The following EGFLAM variants were observed in gnomAD, a reference collection of about 807,000 sequenced individuals.
EGFLAM encodes EGF like, fibronectin type III and laminin G domains, also known as pikachurin.
In EGFLAM, 79 loss-of-function variants were observed where a neutral mutation model predicts 113.1. The observed-to-expected ratio is 0.70, with a 90% CI of 0.58 to 0.84. The LOEUF (loss-of-function observed/expected upper bound fraction) is 0.84. Ranked by LOEUF, EGFLAM falls within the 40% of genes least tolerant of loss-of-function variation. The probability of loss-of-function intolerance (pLI) is 0.00; values close to 1 mark genes in which losing one functional copy is unlikely to be tolerated. For synonymous variants in EGFLAM, 504 were observed against 487.6 expected, an observed-to-expected ratio of 1.03 and a Z score of -0.44; for missense variants, 1,265 against 1,291.6, an observed-to-expected ratio of 0.98 and a Z score of 0.32.
At chr5:38,341,914 G>GT (rs11296362) in intron 3 of EGFLAM, among the ~76,000 whole-genome samples, 331 of 142,534 alleles carry the variant, frequency 2.3e-3, no homozygotes, top group Admixed American at 3.0e-3. Flanking sequence ...ACTCATGCAA[G>GT]TTTTTTTTTT....
At chr5:38,442,321 A>G (rs911128028) in intron 17 of EGFLAM, among the ~76,000 whole-genome samples, 1 of 148,044 alleles carries the variant, frequency 6.8e-6, no homozygotes, top group Non-Finnish European at 1.5e-5. Flanking sequence ...TTTTATATTT[A>G]ATATCAATAT....
chr5:38,284,317 A>G (rs1403892889), intron 1 of EGFLAM, among the ~76,000 whole-genome samples: 1 of 152,164 alleles, frequency 6.6e-6, no homozygotes, highest in African/African-American at 2.4e-5. Context: ...GGGTTAACAA[A>G]CTTTTTTTTG....
chr5:38,265,756 A>G (rs1348663417), intron 1 of EGFLAM, among the ~76,000 whole-genome samples: 3 of 152,250 alleles, frequency 2.0e-5, no homozygotes, highest in African/African-American at 7.2e-5. Context: ...CGCACATTCC[A>G]GAGCTGGCTC....
At chr5:38,387,902 C>A (rs2112079680) in intron 6 of EGFLAM, among the ~76,000 whole-genome samples, 1 of 152,296 alleles carries the variant, frequency 6.6e-6, no homozygotes, top group South Asian at 2.1e-4. Flanking sequence ...AGCCAGGCTT[C>A]TTTCCCTGAT....
At chr5:38,462,669 C>T in intron 20 of EGFLAM, 1 of 447,132 alleles carries the variant, frequency 2.2e-6, no homozygotes, top group South Asian at 2.4e-5. Context: ...GTGGTCTTCG[C>T]CGTGGAGTGC....
At chr5:38,359,204 G>T (rs956317348) in intron 5 of EGFLAM, among the ~76,000 whole-genome samples, 2 of 152,158 alleles carry the variant, frequency 1.3e-5, no homozygotes, top group Non-Finnish European at 2.9e-5. Flanking sequence ...TCCAATCGGG[G>T]TGCCATGCCT....
chr5:38,390,623 G>A (rs1010172625), intron 6 of EGFLAM, among the ~76,000 whole-genome samples: 6 of 152,080 alleles, frequency 3.9e-5, no homozygotes, highest in Non-Finnish European at 7.4e-5. Context: ...CAGTATATTC[G>A]AAGTTCTTAC....
At chr5:38,361,454 T>G (rs1175541051) in intron 5 of EGFLAM, among the ~76,000 whole-genome samples, 1 of 152,210 alleles carries the variant, frequency 6.6e-6, no homozygotes, top group East Asian at 1.9e-4. Context: ...CATAGCACTG[T>G]GAACACACCA....
Position 38,413,185 on chromosome 5 carries a change from ATTTTTTT to A in EGFLAM, c.1494+555_1494+561del, listed in dbSNP as rs34326457. Among the ~76,000 whole-genome samples the A allele has an allele frequency of 1.2e-3, 119 of 100,902 alleles. 1 individual carries two copies. Among genetic ancestry groups the A allele is most frequent in the East Asian group, 1.7e-3 (6 of 3,584 alleles). The allele number at this position is 100,902 out of a possible 152,430, so 66.2% of individuals were successfully genotyped here. On this transcript the variant is annotated intron_variant, in intron 11 of 21. Transcript: ENST00000322350. ...AGGCATGTGCCACCATGCCTGGCTA[ATTTTTTT>A]TTTTTTTTTTTTTTTTTGTAGAGTT...
intron 19 of EGFLAM, among the ~76,000 whole-genome samples, chr5:38,453,223 A>C (rs1742978475): frequency 6.6e-6 from 1 of 152,110 alleles, no homozygotes; most frequent in Non-Finnish European, 1.5e-5. Flanking sequence ...CCATGGGGGA[A>C]CTCATTTCTT....
intron 8 of EGFLAM, among the ~76,000 whole-genome samples, chr5:38,407,393 C>T (rs981508653): frequency 2.0e-5 from 3 of 152,214 alleles, no homozygotes; most frequent in African/African-American, 7.2e-5. Flanking sequence ...ATCAATAAAT[C>T]ATCCTGATAC....
chr5:38,370,528 C>A, intron 6 of EGFLAM, 66 bp downstream of exon 6: 1 of 1,542,856 alleles, frequency 6.5e-7, no homozygotes, highest in South Asian at 1.2e-5. Flanking sequence ...CATGAAGACT[C>A]ACTTGACCTG....
chr5:38,350,588 T>A lies in EGFLAM; in HGVS notation c.379T>A (p.Ser127Thr). 6.2e-7 allele frequency: 1 copy of A among 1,614,082 alleles called. No individual in the cohort carries two copies. Among genetic ancestry groups the A allele is most frequent in the Non-Finnish European group, 8.5e-7 (1 of 1,179,982 alleles). Residue 127 changes from serine to threonine, a missense_variant, in exon 4 of 22, where the codon TCT becomes ACT. By Grantham distance (58) the Ser-to-Thr change is moderately conservative (BLOSUM62 1). Coordinates refer to ENST00000322350, the MANE Select transcript of EGFLAM (RefSeq NM_152403.4). The part of the protein sequence containing the change: ...YSQAGKGRLS[S>T]PRHVTTLSQD... ...CCAGGCTGGCAAAGGGCGGCTGAGC[T>A]CTCCTCGGCATGTCACCACTTTGTC...
At chr5:38,413,623 A>G (rs1466701673) in intron 11 of EGFLAM, among the ~76,000 whole-genome samples, 4 of 152,204 alleles carry the variant, frequency 2.6e-5, no homozygotes, top group Non-Finnish European at 5.9e-5. Flanking sequence ...AACTGAGCCT[A>G]TAATTATAAT....
chr5:38,335,249 C>T (rs900508553), intron 1 of EGFLAM, among the ~76,000 whole-genome samples: 1 of 152,186 alleles, frequency 6.6e-6, no homozygotes, highest in African/African-American at 2.4e-5. Flanking sequence ...ATCCTAGAAA[C>T]ACTGGCACAT....
At chr5:38,359,109 A>G in intron 5 of EGFLAM, among the ~76,000 whole-genome samples, 1 of 152,182 alleles carries the variant, frequency 6.6e-6, no homozygotes, top group East Asian at 1.9e-4. Context: ...TCCCCAGGGT[A>G]AGTGCCTTTC....
At chr5:38,346,834 G>A (rs1356281671) in intron 3 of EGFLAM, among the ~76,000 whole-genome samples, 1 of 152,206 alleles carries the variant, frequency 6.6e-6, no homozygotes, top group Non-Finnish European at 1.5e-5. Context: ...CAAACTTGAC[G>A]TGAAACCTGG....
At chr5:38,337,716 C>A (rs370955059) in intron 2 of EGFLAM, 87 bp downstream of exon 2, 3 of 1,091,508 alleles carry the variant, frequency 2.7e-6, no homozygotes, top group Non-Finnish European at 4.0e-6. Flanking sequence ...AGATATCTGT[C>A]CTTCCATATC....
intron 3 of EGFLAM, among the ~76,000 whole-genome samples, chr5:38,348,391 G>C (rs1029186675): frequency 3.9e-5 from 6 of 152,138 alleles, no homozygotes; most frequent in Admixed American, 1.3e-4. Context: ...GCAGAGAAAG[G>C]GGGGTGGATG....
Sources: allele counts gnomAD v4.1 joint callset (sites outside exome capture counted in the v4.1 genomes callset), GRCh38; gene constraint gnomAD v4.1.1; transcripts MANE v1.5; gene names NCBI Gene and HGNC (gene_info 2026-07-23, HGNC 2026-07-21).